SKAP2: variants seen among roughly 807,000 people sequenced by gnomAD.
The protein encoded by SKAP2 is src kinase-associated phosphoprotein 2.
In SKAP2, 28 loss-of-function variants were observed where a neutral mutation model predicts 54.9. The observed-to-expected ratio is 0.51, with a 90% confidence interval of 0.38 to 0.70. SKAP2 has a LOEUF of 0.70. Ranked by LOEUF, SKAP2 falls within the 30% of genes least tolerant of loss-of-function variation. The pLI is 0.00. For synonymous variants in SKAP2, 137 were observed against 134.3 expected, an observed-to-expected ratio of 1.02 and a Z score of -0.14; for missense variants, 356 against 424.1, an observed-to-expected ratio of 0.84 and a Z score of 1.41.
At chr7:26,688,441 T>C (rs1483568405) in intron 10 of SKAP2, among the ~76,000 whole-genome samples, 2 of 152,176 alleles carry the variant, frequency 1.3e-5, no homozygotes, top group African/African-American at 4.8e-5. Flanking sequence ...GAAATATATA[T>C]AACATTCTTG....
chr7:26,820,238 A>G (rs911582507), intron 4 of SKAP2, among the ~76,000 whole-genome samples: 1 of 152,290 alleles, frequency 6.6e-6, no homozygotes, highest in African/African-American at 2.4e-5. Context: ...ACTGTTAATA[A>G]TTGTCACAAA....
At chr7:26,673,401 A>G (rs1356557909) in intron 11 of SKAP2, among the ~76,000 whole-genome samples, 1 of 152,100 alleles carries the variant, frequency 6.6e-6, no homozygotes, top group Non-Finnish European at 1.5e-5. Context: ...TAGGACGTGT[A>G]ATTATTTTCT....
the SKAP2 span, among the ~76,000 whole-genome samples, chr7:26,656,261 C>G: frequency 0.39 from 59,107 of 152,034 alleles, 12,815 homozygotes; most frequent in African/African-American, 0.58. Context: ...AATTAAATGG[C>G]TTCCCACCAG....
intron 4 of SKAP2, among the ~76,000 whole-genome samples, chr7:26,823,154 G>A (rs1220292156): frequency 1.3e-5 from 2 of 152,096 alleles, no homozygotes; most frequent in South Asian, 2.1e-4. Flanking sequence ...GGCCAGGTGT[G>A]GTGGCTCACG....
At chr7:26,855,678 C>CG (rs1243454997) in intron 1 of SKAP2, among the ~76,000 whole-genome samples, 3 of 152,020 alleles carry the variant, frequency 2.0e-5, no homozygotes, top group Non-Finnish European at 4.4e-5. Flanking sequence ...TAGTAAACTT[C>CG]TAAATTACGG....
chr7:26,843,251 A>G (rs1406409269), intron 4 of SKAP2, among the ~76,000 whole-genome samples: 4 of 152,170 alleles, frequency 2.6e-5, no homozygotes, highest in South Asian at 2.1e-4. Flanking sequence ...ATTCATTTCT[A>G]TGTCTATGTG....
intron 10 of SKAP2, among the ~76,000 whole-genome samples, chr7:26,685,578 G>A (rs1786618502): frequency 6.6e-6 from 1 of 152,154 alleles, no homozygotes; most frequent in Non-Finnish European, 1.5e-5. Context: ...AACATACACT[G>A]GAGTATCAGC....
intron 4 of SKAP2, among the ~76,000 whole-genome samples, chr7:26,771,733 A>G (rs1783194452): frequency 6.6e-6 from 1 of 152,242 alleles, no homozygotes; most frequent in Non-Finnish European, 1.5e-5. Context: ...GATTTTGAAA[A>G]CAATAACTAT....
chr7:26,800,670 A>G (rs145872041), intron 4 of SKAP2, among the ~76,000 whole-genome samples: 271 of 152,346 alleles, frequency 1.8e-3, no homozygotes, highest in African/African-American at 6.1e-3. Context: ...AGACATTACA[A>G]GTGATACTGC....
At chr7:26,754,713 C>T (rs1038398274) in intron 4 of SKAP2, among the ~76,000 whole-genome samples, 1 of 152,202 alleles carries the variant, frequency 6.6e-6, no homozygotes, top group African/African-American at 2.4e-5. Flanking sequence ...ACTGATGTAA[C>T]TTCATGTAAA....
intron 4 of SKAP2, among the ~76,000 whole-genome samples, chr7:26,812,002 T>A (rs997804482): frequency 2.6e-5 from 4 of 152,240 alleles, no homozygotes; most frequent in African/African-American, 9.6e-5. Context: ...GCAGGCATGT[T>A]AATTTTTAAA....
chr7:26,783,919 G>A (rs1424608938), intron 4 of SKAP2, among the ~76,000 whole-genome samples: 1 of 151,134 alleles, frequency 6.6e-6, no homozygotes. Flanking sequence ...TTATGCACAT[G>A]TACCCTGAAA....
At chr7:26,654,802 AAC>A in the SKAP2 span, among the ~76,000 whole-genome samples, 6 of 152,246 alleles carry the variant, frequency 3.9e-5, no homozygotes, top group Admixed American at 3.9e-4. Flanking sequence ...AATTGAGAAA[AAC>A]AGTCTAATTG....
intron 6 of SKAP2, among the ~76,000 whole-genome samples, chr7:26,735,454 G>A (rs1314237734): frequency 6.6e-6 from 1 of 152,088 alleles, no homozygotes; most frequent in East Asian, 1.9e-4. Context: ...TTGGTACAAT[G>A]GTAAGTGCAT....
intron 4 of SKAP2, among the ~76,000 whole-genome samples, chr7:26,799,393 C>T (rs1318022637): frequency 1.3e-5 from 2 of 151,488 alleles, no homozygotes; most frequent in South Asian, 2.1e-4. Context: ...CAATGGAAAC[C>T]AAAAAAGAGC....
At chr7:26,838,990 T>C (rs1440217727) in intron 4 of SKAP2, among the ~76,000 whole-genome samples, 1 of 152,152 alleles carries the variant, frequency 6.6e-6, no homozygotes, top group Non-Finnish European at 1.5e-5. Context: ...ACTGTGTAAA[T>C]AACTGCTAAT....
intron 4 of SKAP2, among the ~76,000 whole-genome samples, chr7:26,772,983 T>C (rs1330944053): frequency 6.6e-6 from 1 of 152,242 alleles, no homozygotes; most frequent in Non-Finnish European, 1.5e-5. Context: ...TTTTATTAGA[T>C]AAATCCAGTG....
chr7:26,677,163 G>A (rs1786367239), intron 11 of SKAP2, among the ~76,000 whole-genome samples: 1 of 152,108 alleles, frequency 6.6e-6, no homozygotes, highest in African/African-American at 2.4e-5. Flanking sequence ...GGCCGAGGCG[G>A]GAGGATCACC....
At chr7:26,715,817 C>G (rs1394916978) in intron 9 of SKAP2, among the ~76,000 whole-genome samples, 1 of 152,088 alleles carries the variant, frequency 6.6e-6, no homozygotes, top group Non-Finnish European at 1.5e-5. Context: ...TGCTACAATG[C>G]TACAAGTTGT....
Sources: allele counts gnomAD v4.1 joint callset (sites outside exome capture counted in the v4.1 genomes callset), GRCh38; gene constraint gnomAD v4.1.1; transcripts MANE v1.5; gene names NCBI Gene and HGNC (gene_info 2026-07-23, HGNC 2026-07-21).